SNX29: variants seen among roughly 807,000 people sequenced by gnomAD.
SNX29 encodes sorting nexin 29.
In SNX29, 78 loss-of-function variants were observed where a neutral mutation model predicts 102.1. The ratio of observed to expected loss-of-function variants is 0.76; its 90% confidence interval spans 0.64 to 0.92. The LOEUF is 0.92. Among genes scored for constraint, SNX29 ranks in the 40% least tolerant of loss-of-function variants. The pLI is 0.00. For missense variants in SNX29, 1,280 were observed against 1,061.7 expected, an observed-to-expected ratio of 1.21 and a Z score of -2.86; for synonymous variants, 580 against 414.5, an observed-to-expected ratio of 1.40 and a Z score of -4.85.
At chr16:12,161,914 C>T (rs2141671363) in intron 13 of SNX29, among the ~76,000 whole-genome samples, 1 of 152,314 alleles carries the variant, frequency 6.6e-6, no homozygotes, top group South Asian at 2.1e-4. Flanking sequence ...ACCTCCCTTC[C>T]ATATAAATTA....
intron 20 of SNX29, among the ~76,000 whole-genome samples, chr16:12,551,517 C>G (rs371374163): frequency 6.6e-6 from 1 of 152,170 alleles, no homozygotes; most frequent in East Asian, 1.9e-4. Flanking sequence ...GCATCAGGAT[C>G]TTTTTAAAGT....
chr16:12,553,261 C>G (rs774575788), intron 20 of SNX29, among the ~76,000 whole-genome samples: 1 of 152,242 alleles, frequency 6.6e-6, no homozygotes, highest in African/African-American at 2.4e-5. Flanking sequence ...TACAAGACCA[C>G]TGCCGCCTAG....
At chr16:12,252,728 C>T (rs2078457674) in intron 14 of SNX29, among the ~76,000 whole-genome samples, 1 of 152,206 alleles carries the variant, frequency 6.6e-6, no homozygotes, top group South Asian at 2.1e-4. Flanking sequence ...GCCTGTTCCG[C>T]TTCCCTGGCT....
chr16:12,235,526 CTA>C (rs2077900217), intron 14 of SNX29, among the ~76,000 whole-genome samples: 1 of 152,022 alleles, frequency 6.6e-6, no homozygotes, highest in African/African-American at 2.4e-5. Flanking sequence ...ATGGAAATCA[CTA>C]TTTCTGCCTT....
chr16:12,182,579 C>G (rs1180724205), intron 13 of SNX29, among the ~76,000 whole-genome samples: 1 of 152,150 alleles, frequency 6.6e-6, no homozygotes, highest in East Asian at 1.9e-4. Flanking sequence ...GAGCTCCGCA[C>G]CCCTGCCAAC....
At chr16:12,567,327 A>G in intron 20 of SNX29, among the ~76,000 whole-genome samples, 1 of 152,260 alleles carries the variant, frequency 6.6e-6, no homozygotes, top group South Asian at 2.1e-4. Flanking sequence ...CTGCGGACGC[A>G]GGAGTGGACA....
intron 1 of SNX29, among the ~76,000 whole-genome samples, chr16:11,990,650 C>T (rs959577570): frequency 2.0e-5 from 3 of 152,060 alleles, no homozygotes; most frequent in African/African-American, 7.2e-5. Flanking sequence ...CAGATGCCCG[C>T]CAGTGTAACT....
chr16:12,349,457 A>G (rs2081931731), intron 15 of SNX29, among the ~76,000 whole-genome samples: 1 of 152,266 alleles, frequency 6.6e-6, no homozygotes, highest in African/African-American at 2.4e-5. Context: ...CAGGTTGAGC[A>G]TCCCAAATCC....
intron 20 of SNX29, among the ~76,000 whole-genome samples, chr16:12,527,785 T>C (rs1034179005): frequency 2.0e-5 from 3 of 152,060 alleles, no homozygotes; most frequent in African/African-American, 2.4e-5. Flanking sequence ...ATTTAGCCAG[T>C]ATAGTGGGGT....
intron 20 of SNX29, among the ~76,000 whole-genome samples, chr16:12,560,502 C>G (rs1392776279): frequency 6.6e-6 from 1 of 152,270 alleles, no homozygotes; most frequent in South Asian, 2.1e-4. Flanking sequence ...TCTGGGCACG[C>G]CTGTCCTGCC....
At chr16:12,310,552 A>G (rs906808297) in intron 15 of SNX29, among the ~76,000 whole-genome samples, 3 of 152,124 alleles carry the variant, frequency 2.0e-5, no homozygotes, top group Non-Finnish European at 4.4e-5. Flanking sequence ...CATATGCTGT[A>G]TGATTCCATT....
chr16:12,327,218 C>T (rs2081146062), intron 15 of SNX29, among the ~76,000 whole-genome samples: 1 of 152,082 alleles, frequency 6.6e-6, no homozygotes, highest in South Asian at 2.1e-4. Context: ...GAAATCGCAG[C>T]CCCCATAAAG....
intron 13 of SNX29, among the ~76,000 whole-genome samples, chr16:12,134,022 C>T (rs1164160321): frequency 2.6e-5 from 4 of 152,162 alleles, no homozygotes; most frequent in African/African-American, 7.2e-5. Context: ...TGGGCAGCTG[C>T]GAGTTCCTGA....
At chr16:12,393,790 A>G (rs569333205) in intron 16 of SNX29, among the ~76,000 whole-genome samples, 1 of 152,378 alleles carries the variant, frequency 6.6e-6, no homozygotes, top group South Asian at 2.1e-4. Flanking sequence ...CTGTGAGACC[A>G]TGAAGTCCTT....
chr16:12,210,211 T>C (rs1276664875), intron 14 of SNX29, among the ~76,000 whole-genome samples: 1 of 152,176 alleles, frequency 6.6e-6, no homozygotes, highest in Non-Finnish European at 1.5e-5. Context: ...GCTGTCACAG[T>C]GCTGCTGGGG....
chr16:12,410,002 T>C (rs186983595), intron 18 of SNX29, among the ~76,000 whole-genome samples: 105 of 152,186 alleles, frequency 6.9e-4, no homozygotes, highest in Middle Eastern at 3.4e-3. Flanking sequence ...TGTTTTGTTT[T>C]GTTTTTTTCT....
chr16:12,264,731 G>A (rs945384268), intron 14 of SNX29, among the ~76,000 whole-genome samples: 4 of 150,842 alleles, frequency 2.7e-5, no homozygotes, highest in East Asian at 3.9e-4. Flanking sequence ...GCAGTGAGCC[G>A]AGATCATGCC....
At chr16:12,344,838 A>C (rs550629411) in intron 15 of SNX29, among the ~76,000 whole-genome samples, 4 of 152,320 alleles carry the variant, frequency 2.6e-5, no homozygotes, top group African/African-American at 9.6e-5. Flanking sequence ...GGAAATCAAT[A>C]GCCGTCCTCT....
At chr16:12,198,840 T>A (rs1270941982) in intron 13 of SNX29, among the ~76,000 whole-genome samples, 3 of 152,232 alleles carry the variant, frequency 2.0e-5, no homozygotes, top group Non-Finnish European at 2.9e-5. Context: ...GAATGACGGA[T>A]GGATGAATGA....
Sources: allele counts gnomAD v4.1 joint callset (sites outside exome capture counted in the v4.1 genomes callset), GRCh38; gene constraint gnomAD v4.1.1; transcripts MANE v1.5; gene names NCBI Gene and HGNC (gene_info 2026-07-23, HGNC 2026-07-21).